Variants in COL28A1 observed in about 807,000 individuals in gnomAD.
The protein encoded by COL28A1 is collagen type XXVIII alpha 1 chain, also known as collagen alpha-1(XXVIII) chain.
Under a neutral mutation model 150.2 loss-of-function variants are expected in COL28A1, and 161 were observed. The observed-to-expected ratio is 1.07, with a 90% CI of 0.94 to 1.22. The LOEUF is 1.22. Ranked by LOEUF, COL28A1 falls within the 50% of genes most tolerant of loss-of-function variation. COL28A1 has a pLI of 0.00. For synonymous variants in COL28A1, 552 were observed against 469.7 expected (o/e 1.18, Z -2.26); for missense variants, 1,617 against 1,388.3 (o/e 1.16, Z -2.62).
At chr7:7,518,133 A>G (rs1781519869) in intron 6 of COL28A1, among the ~76,000 whole-genome samples, 1 of 152,166 alleles carries the variant, frequency 6.6e-6, no homozygotes, top group South Asian at 2.1e-4. Context: ...ATACATCATT[A>G]TACTCACTTG....
intron 1 of COL28A1, among the ~76,000 whole-genome samples, chr7:7,534,976 T>G (rs1782565075): frequency 6.6e-6 from 1 of 152,158 alleles, no homozygotes; most frequent in Non-Finnish European, 1.5e-5. Flanking sequence ...AATATCTTTC[T>G]CGTTTATTAA....
At position 7,507,051 on chromosome 7, in the gene COL28A1, G is replaced by A; in HGVS notation, c.972+66C>T. On this transcript the variant is annotated intron_variant, in intron 10 of 34. Transcript: ENST00000399429. Reference sequence around the variant, plus strand: ...ACTGGCAGAGGGTGCAAGTGGGCAAGGGGATGGTTTAAAAACTCCCCAGGT... The same window carrying A: ...ACTGGCAGAGGGTGCAAGTGGGCAAAGGGATGGTTTAAAAACTCCCCAGGT... 3.7e-6 allele frequency: 3 copies of A among 819,726 alleles called. No individual in the cohort carries two copies. The South Asian group carries it at 4.3e-5, about 12-fold the overall frequency. 50.8% of individuals were successfully genotyped at this position (819,726 alleles called of 1,614,324 possible). A position where few individuals can be genotyped will look rare whatever the true frequency, so the allele number is the denominator to read the frequency against.
chr7:7,533,278 C>T (rs893899058), intron 1 of COL28A1, among the ~76,000 whole-genome samples: 9 of 152,114 alleles, frequency 5.9e-5, no homozygotes, highest in Admixed American at 2.0e-4. Context: ...CCAAATTCTT[C>T]AGGGGGAATT....
chr7:7,536,014 T>C (rs1196694766), upstream of COL28A1, among the ~76,000 whole-genome samples: 1 of 152,350 alleles, frequency 6.6e-6, no homozygotes, highest in South Asian at 2.1e-4. Flanking sequence ...AGAATGAGAC[T>C]GTGTTTTCCA....
At position 7,432,640 on chromosome 7, in the gene COL28A1, C is replaced by G. The variant is rs184715870; in HGVS notation, c.1921G>C (p.Gly641Arg). 5.0e-6 allele frequency: 8 copies of G among 1,613,932 alleles called. No homozygotes were observed. Among genetic ancestry groups the G allele is most frequent in the Non-Finnish European group, 6.8e-6 (8 of 1,179,964 alleles). Residue 641 changes from glycine (G) to arginine (R), a missense_variant, in exon 24 of 35, where the codon GGT becomes CGT. Gly to Arg is a moderately radical substitution (Grantham distance 125). Coordinates refer to ENST00000399429, the MANE Select transcript of COL28A1 (RefSeq NM_001037763.3). ...AAAAATGTCCCACTTACAGGCACAC[C>G]AGGATAGCCATCACCTTTGAGTCCT... The part of the protein sequence containing the change: ...APGLKGDGYP[G>R]VPGPRGLPGP...
intron 33 of COL28A1, among the ~76,000 whole-genome samples, chr7:7,364,104 T>C (rs1265713206): frequency 2.0e-5 from 3 of 152,150 alleles, no homozygotes; most frequent in African/African-American, 7.2e-5. Context: ...CCTTCTCCAA[T>C]AACCCAGTCA....
At chr7:7,525,072 A>G (rs1781946729) in intron 3 of COL28A1, among the ~76,000 whole-genome samples, 1 of 152,256 alleles carries the variant, frequency 6.6e-6, no homozygotes, top group Non-Finnish European at 1.5e-5. Context: ...ATAGAAAAGT[A>G]ATACATATTT....
intron 33 of COL28A1, among the ~76,000 whole-genome samples, chr7:7,369,997 C>T (rs1052506699): frequency 1.3e-5 from 2 of 152,080 alleles, no homozygotes; most frequent in Non-Finnish European, 2.9e-5. Context: ...GAGACTATAG[C>T]ACTCATCGGT....
intron 30 of COL28A1, among the ~76,000 whole-genome samples, 168 bp from the exon 31 acceptor site, chr7:7,375,665 A>G (rs1231975043): frequency 5.9e-5 from 9 of 152,238 alleles, no homozygotes; most frequent in Non-Finnish European, 1.2e-4. Flanking sequence ...ATAATAGACC[A>G]TAACTAAAAT....
chr7:7,520,018 G>C lies in COL28A1; in HGVS notation c.813+44C>G, dbSNP rs542240050. On this transcript the variant is annotated intron_variant, in intron 6 of 34. Coordinates refer to ENST00000399429, the MANE Select transcript of COL28A1 (RefSeq NM_001037763.3). ...ATTGTTGTTTTAAAAAAAAAGTCTA[G>C]AAGGAGATACGCTGGTTTAAAGAAA... 27 of 907,112 alleles carry C rather than the reference G, an allele frequency of 3.0e-5. 1 individual carries two copies. The highest frequency in any genetic ancestry group is 2.7e-4 in the South Asian group (18 of 67,052). 56.2% of individuals were successfully genotyped at this position (907,112 alleles called of 1,614,324 possible).
At chr7:7,440,121 T>C (rs889559691) in intron 21 of COL28A1, among the ~76,000 whole-genome samples, 1 of 152,168 alleles carries the variant, frequency 6.6e-6, no homozygotes, top group African/African-American at 2.4e-5. Flanking sequence ...ACATACTTAA[T>C]TGCTCACCTC....
At chr7:7,432,439 A>T (rs768775144) in intron 25 of COL28A1, 34 bp downstream of exon 25, 2 of 1,590,460 alleles carry the variant, frequency 1.3e-6, no homozygotes, top group African/African-American at 1.3e-5. Context: ...GTGCACTCTT[A>T]GAAGCTAGTA....
intron 11 of COL28A1, among the ~76,000 whole-genome samples, chr7:7,502,573 G>A (rs74815754): frequency 6.8e-4 from 103 of 151,970 alleles, no homozygotes; most frequent in African/African-American, 2.3e-3. Context: ...AACCTCTCGT[G>A]GAATCTTTGC....
In COL28A1 at chr7:7,477,177, G is replaced by T. The variant is rs201982609; in HGVS notation, c.1168C>A (p.Pro390Thr). ...IGVGEPGQPG[P>T]RGPEGVPGER... ...CCTGGTACTCCCTCAGGACCACGGG[G>T]ACCCTGGTTAGGATAGGAGAAAATG... is the stretch of plus-strand genomic sequence containing the variant. Residue 390 changes from proline to threonine, a missense_variant, in exon 14 of 35, where the codon CCC becomes ACC. Pro to Thr is a conservative substitution (Grantham distance 38). Transcript: ENST00000399429. 5 of 1,222,714 alleles carry T rather than the reference G, an allele frequency of 4.1e-6. No homozygotes were observed. Among genetic ancestry groups the T allele is most frequent in the Admixed American group, 1.7e-5 (1 of 59,570 alleles). 75.7% of individuals were successfully genotyped at this position (1,222,714 alleles called of 1,614,324 possible).
intron 21 of COL28A1, among the ~76,000 whole-genome samples, chr7:7,439,756 C>T (rs1785617865): frequency 6.6e-6 from 1 of 152,172 alleles, no homozygotes; most frequent in Non-Finnish European, 1.5e-5. Flanking sequence ...CCCTGCAGCA[C>T]AGGGCATTTA....
intron 27 of COL28A1, among the ~76,000 whole-genome samples, chr7:7,385,342 C>G (rs1199770059): frequency 6.6e-6 from 1 of 152,088 alleles, no homozygotes. Flanking sequence ...ATAAGACAGA[C>G]TAAAGGCTCA....
At chr7:7,377,081 G>C (rs1246630767) in intron 30 of COL28A1, among the ~76,000 whole-genome samples, 1 of 152,116 alleles carries the variant, frequency 6.6e-6, no homozygotes, top group Non-Finnish European at 1.5e-5. Context: ...GTATTCTCTT[G>C]TGCAATCTGT....
intron 27 of COL28A1, among the ~76,000 whole-genome samples, chr7:7,382,641 T>C (rs1305548182): frequency 6.6e-6 from 1 of 152,152 alleles, no homozygotes; most frequent in Admixed American, 6.6e-5. Context: ...TCTGGATAAT[T>C]ATTAGTAATG....
At position 7,358,451 on chromosome 7, in the gene COL28A1, C is replaced by A. The variant is rs1046343091; in HGVS notation, c.*182G>T. The stretch of plus-strand genomic sequence containing the variant: ...GTTACTAAACTTCTCAGAGCCTCAG[C>A]TTTCTTACCTATATAAGTGGTTAAT... On this transcript the variant is annotated 3_prime_UTR_variant, in exon 35 of 35. Coordinates refer to ENST00000399429, the MANE Select transcript of COL28A1 (RefSeq NM_001037763.3). The A allele has an allele frequency of 3.9e-6, 2 of 507,456 alleles. No homozygotes were observed. Among genetic ancestry groups the A allele is most frequent in the African/African-American group, 4.0e-5 (2 of 50,344 alleles). 31.4% of individuals were successfully genotyped at this position (507,456 alleles called of 1,614,324 possible). A position where few individuals can be genotyped will look rare whatever the true frequency, so the allele number is the denominator to read the frequency against.
Sources: allele counts gnomAD v4.1 joint callset (sites outside exome capture counted in the v4.1 genomes callset), GRCh38; gene constraint gnomAD v4.1.1; transcripts MANE v1.5; gene names NCBI Gene and HGNC (gene_info 2026-07-23, HGNC 2026-07-21).